PMFBP1: variants seen among roughly 807,000 people sequenced by gnomAD.
PMFBP1 encodes polyamine-modulated factor 1-binding protein 1.
PMFBP1 carries 131 observed loss-of-function variants against 137.8 expected under a neutral mutation model. That is an observed-to-expected ratio of 0.95 (90% CI 0.82 to 1.10). PMFBP1 has a LOEUF of 1.10. PMFBP1 is among the 50% of genes least tolerant of loss of function. PMFBP1 has a pLI of 0.00. For synonymous variants in PMFBP1, 490 were observed against 450.4 expected, an observed-to-expected ratio of 1.09 and a Z score of -1.11; for missense variants, 1,199 against 1,175.4, an observed-to-expected ratio of 1.02 and a Z score of -0.29.
chr16:72,227,881 G>C, the PMFBP1 span, among the ~76,000 whole-genome samples: 4 of 152,290 alleles, frequency 2.6e-5, 1 homozygote, highest in African/African-American at 4.8e-5. Flanking sequence ...TTCATAAATG[G>C]TAGCTATTTA....
the PMFBP1 span, among the ~76,000 whole-genome samples, chr16:72,249,760 C>CA: frequency 0.056 from 7,755 of 137,838 alleles, 234 homozygotes; most frequent in South Asian, 0.11. Context: ...ACTAAAAATA[C>CA]AAAAAAAAAA....
chr16:72,239,885 CAA>C, the PMFBP1 span, among the ~76,000 whole-genome samples: 2 of 21,394 alleles, frequency 9.3e-5, no homozygotes. Context: ...ACTCCATGTA[CAA>C]AAAAAAAAAA....
the PMFBP1 span, among the ~76,000 whole-genome samples, chr16:72,239,272 G>A: frequency 1.3e-5 from 2 of 152,154 alleles, no homozygotes; most frequent in Non-Finnish European, 2.9e-5. Context: ...GGATCAGGAA[G>A]ACTATGAAAG....
upstream of PMFBP1, chr16:72,173,899 C>G (rs1320415444): frequency 6.6e-6 from 1 of 152,246 alleles, no homozygotes; most frequent in Admixed American, 6.5e-5. Context: ...TCATGTCTCC[C>G]TCTTCTTGAA....
At chr16:72,151,282 C>T (rs745792025) in intron 4 of PMFBP1, among the ~76,000 whole-genome samples, 3 of 152,148 alleles carry the variant, frequency 2.0e-5, no homozygotes, top group Non-Finnish European at 2.9e-5. Flanking sequence ...GGGAACATGA[C>T]CCAAAGTTCC....
At chr16:72,140,901 ATC>A (rs2042709855) in intron 5 of PMFBP1, among the ~76,000 whole-genome samples, 1 of 141,174 alleles carries the variant, frequency 7.1e-6, no homozygotes, top group South Asian at 2.3e-4. Flanking sequence ...TTGCATAAAA[ATC>A]ACTTTTTTTC....
upstream of PMFBP1, among the ~76,000 whole-genome samples, chr16:72,178,376 C>T (rs978874280): frequency 9.2e-5 from 14 of 152,128 alleles, no homozygotes; most frequent in African/African-American, 3.1e-4. Context: ...AAGGGAGATA[C>T]TTTAAGAGTA....
chr16:72,211,335 A>C, the PMFBP1 span, among the ~76,000 whole-genome samples: 3 of 152,158 alleles, frequency 2.0e-5, no homozygotes, highest in African/African-American at 2.4e-5. Context: ...CCAGGCAGAA[A>C]ACCAGAAGTT....
intron 3 of PMFBP1, among the ~76,000 whole-genome samples, chr16:72,164,153 G>A (rs938584512): frequency 3.9e-5 from 6 of 152,232 alleles, no homozygotes; most frequent in Admixed American, 2.0e-4. Context: ...GAGACAGCAC[G>A]CCTCGGGTTA....
At chr16:72,223,472 T>C in the PMFBP1 span, among the ~76,000 whole-genome samples, 2 of 152,260 alleles carry the variant, frequency 1.3e-5, no homozygotes, top group Non-Finnish European at 2.9e-5. Flanking sequence ...TGTTCTGATA[T>C]GGCCCTAACA....
chr16:72,210,623 G>C, the PMFBP1 span, among the ~76,000 whole-genome samples: 1 of 152,110 alleles, frequency 6.6e-6, no homozygotes, highest in Non-Finnish European at 1.5e-5. Flanking sequence ...TTCAAGCTTT[G>C]CTAATTGAAA....
At chr16:72,199,937 TA>T in the PMFBP1 span, among the ~76,000 whole-genome samples, 2 of 152,194 alleles carry the variant, frequency 1.3e-5, no homozygotes, top group African/African-American at 4.8e-5. Context: ...GCTTAGTAAC[TA>T]TGGAAATCTT....
intron 5 of PMFBP1, among the ~76,000 whole-genome samples, chr16:72,147,188 G>A (rs1433298192): frequency 6.6e-6 from 1 of 152,104 alleles, no homozygotes; most frequent in East Asian, 1.9e-4. Context: ...ATAGACCAAT[G>A]GAACAGAACA....
chr16:72,140,347 T>C, intron 6 of PMFBP1, 65 bp downstream of exon 6: 1 of 1,475,634 alleles, frequency 6.8e-7, no homozygotes, highest in Non-Finnish European at 9.4e-7. Flanking sequence ...TCTTTTCCCC[T>C]CCTTTCTCTC....
chr16:72,228,906 G>C, the PMFBP1 span, among the ~76,000 whole-genome samples: 4 of 148,216 alleles, frequency 2.7e-5, no homozygotes, highest in South Asian at 8.6e-4. Context: ...ATTGTTACAT[G>C]AGTAAACTGG....
chr16:72,129,629 A>G (rs560983741), intron 12 of PMFBP1, among the ~76,000 whole-genome samples: 23 of 152,380 alleles, frequency 1.5e-4, no homozygotes, highest in Non-Finnish European at 2.5e-4. Flanking sequence ...ACTGCTGGGC[A>G]CTATTTAAAA....
the PMFBP1 span, among the ~76,000 whole-genome samples, chr16:72,242,295 C>T: frequency 6.6e-6 from 1 of 152,136 alleles, no homozygotes; most frequent in African/African-American, 2.4e-5. Context: ...TGTCAAAGAT[C>T]CAATCATTTA....
chr16:72,118,545 C>T (rs1294386356), downstream of PMFBP1, among the ~76,000 whole-genome samples: 1 of 152,140 alleles, frequency 6.6e-6, no homozygotes, highest in Non-Finnish European at 1.5e-5. Flanking sequence ...TCATTTCTTT[C>T]CCTTATATTA....
At position 72,132,823 on chromosome 16, in the gene PMFBP1, A is replaced by G. The variant is rs1342405300; in HGVS notation, c.1372T>C (p.Cys458Arg). Residue 458 changes from cysteine to arginine, a missense_variant, in exon 10 of 21, where the codon TGC becomes CGC. By Grantham distance (180) the Cys-to-Arg change is radical (BLOSUM62 -3). Transcript: ENST00000237353. ...TGGACCTCAGCCTGCAGGGCCTTGCACTCCGCCTCCTTGGACTTGTCCTGC... is the reference window on the plus strand; with the variant it reads ...TGGACCTCAGCCTGCAGGGCCTTGCGCTCCGCCTCCTTGGACTTGTCCTGC... The part of the protein sequence containing the change: ...AKQDKSKEAE[C>R]KALQAEVQKL... The G allele has an allele frequency of 6.2e-6, 10 of 1,613,912 alleles. No individual in the cohort carries two copies. Among genetic ancestry groups the G allele is most frequent in the Non-Finnish European group, 8.5e-6 (10 of 1,179,974 alleles).
Sources: allele counts gnomAD v4.1 joint callset (sites outside exome capture counted in the v4.1 genomes callset), GRCh38; gene constraint gnomAD v4.1.1; transcripts MANE v1.5; gene names NCBI Gene and HGNC (gene_info 2026-07-23, HGNC 2026-07-21).